Variants in EDARADD observed in about 807,000 individuals in gnomAD.
EDARADD encodes the protein EDAR associated via death domain.
In EDARADD, 20 loss-of-function variants were observed where a neutral mutation model predicts 25.6. That is an observed-to-expected ratio of 0.78 (90% CI 0.55 to 1.14). EDARADD has a LOEUF of 1.14. Ranked by LOEUF, EDARADD falls within the 50% of genes most tolerant of loss-of-function variation. The pLI, the probability that EDARADD is intolerant of heterozygous loss-of-function variation, is 0.00. For synonymous variants in EDARADD, 86 were observed against 94.4 expected (o/e 0.91, Z 0.52); for missense variants, 225 against 270.1 (o/e 0.83, Z 1.17).
intron 1 of EDARADD, 58 bp from the exon 2 acceptor site, chr1:236,409,158 T>A (rs1290790732): frequency 1.3e-5 from 17 of 1,305,860 alleles, no homozygotes; most frequent in Non-Finnish European, 1.8e-5. Flanking sequence ...AAGGACTCAT[T>A]TGTGGTTTTA....
intron 3 of EDARADD, 85 bp downstream of exon 3, chr1:236,414,384 T>G: frequency 3.5e-6 from 4 of 1,127,894 alleles, no homozygotes; most frequent in Non-Finnish European, 5.3e-6. Context: ...TTTTCATTAT[T>G]TAAAATTGTA....
rs576279644 is a variant in EDARADD, at chr1:236,484,612, G to A, written c.*1963G>A. On this transcript the variant is annotated 3_prime_UTR_variant, in exon 6 of 6. Transcript: ENST00000334232. This position sits in a 1 kb window ranked among gnomAD's most constrained non-coding sequence, Gnocchi z 4.1. ...ACCCTTGCCCACCGCCGTGGAGTTC[G>A]CACCTCTTCCTTAGAACTTCTACAG... 2.5e-5 allele frequency: 15 copies of A among 603,542 alleles called. No homozygotes were observed. Among genetic ancestry groups the A allele is most frequent in the East Asian group, 9.3e-5 (3 of 32,140 alleles). 37.4% of individuals were successfully genotyped at this position (603,542 alleles called of 1,614,324 possible).
At chr1:236,480,991 T>G (rs1284994592) in intron 5 of EDARADD, among the ~76,000 whole-genome samples, 3 of 152,164 alleles carry the variant, frequency 2.0e-5, no homozygotes, top group Non-Finnish European at 4.4e-5. Flanking sequence ...CCCAGGGTGT[T>G]GGCGCCACTT....
At chr1:236,481,781 A>G (rs1179143827) in intron 5 of EDARADD, among the ~76,000 whole-genome samples, 1 of 145,566 alleles carries the variant, frequency 6.9e-6, no homozygotes, top group Non-Finnish European at 1.5e-5. Context: ...CCTGTATCAA[A>G]AAAAAAAAAA....
chr1:236,464,612 T>C (rs543714914), intron 4 of EDARADD, among the ~76,000 whole-genome samples: 24 of 151,994 alleles, frequency 1.6e-4, no homozygotes, highest in Admixed American at 2.6e-4. Flanking sequence ...TTTGTGTTTT[T>C]AGTAGAGCCG....
At chr1:236,440,628 T>C (rs181920171) in intron 4 of EDARADD, among the ~76,000 whole-genome samples, 4 of 152,232 alleles carry the variant, frequency 2.6e-5, no homozygotes, top group Admixed American at 1.3e-4. Context: ...GTCAAGCGAC[T>C]CTTGCTGCCA....
intron 4 of EDARADD, among the ~76,000 whole-genome samples, chr1:236,467,014 C>A (rs538953274): frequency 2.6e-5 from 4 of 151,556 alleles, no homozygotes; most frequent in Non-Finnish European, 5.9e-5. Flanking sequence ...TGCAGTGAGC[C>A]GAGATTGTGC....
intron 5 of EDARADD, 71 bp downstream of exon 5, chr1:236,468,347 G>A: frequency 6.5e-7 from 1 of 1,535,006 alleles, no homozygotes; most frequent in Admixed American, 1.7e-5. Flanking sequence ...TTTGAGGCCA[G>A]GGTCGGTGAC....
At chr1:236,453,282 T>C (rs961425397) in intron 4 of EDARADD, among the ~76,000 whole-genome samples, 2 of 149,566 alleles carry the variant, frequency 1.3e-5, no homozygotes, top group South Asian at 2.1e-4. Flanking sequence ...TTTTTTCTTT[T>C]TTTTTTTTTT....
intron 1 of EDARADD, 131 bp from the exon 2 acceptor site, chr1:236,409,085 A>AG: frequency 3.9e-6 from 2 of 507,374 alleles, no homozygotes; most frequent in East Asian, 3.3e-5. Flanking sequence ...AAAAAAAAAA[A>AG]AAGGAGTAAG....
intron 5 of EDARADD, among the ~76,000 whole-genome samples, chr1:236,479,629 A>G (rs1659610326): frequency 6.6e-6 from 1 of 151,162 alleles, no homozygotes; most frequent in African/African-American, 2.4e-5. Flanking sequence ...CCCAGCTTCT[A>G]CTCCATGCTC....
At chr1:236,445,122 A>G (rs996084599) in intron 4 of EDARADD, among the ~76,000 whole-genome samples, 103 of 150,530 alleles carry the variant, frequency 6.8e-4, no homozygotes, top group African/African-American at 2.4e-3. Flanking sequence ...ACTGTTTCAG[A>G]TTTTCTACAT....
chr1:236,403,230 A>C (rs919620613), intron 1 of EDARADD, among the ~76,000 whole-genome samples: 2 of 152,078 alleles, frequency 1.3e-5, no homozygotes, highest in African/African-American at 4.8e-5. Context: ...TGCTGGGATT[A>C]CGGGCGTGAG....
chr1:236,457,243 C>T (rs996474798), intron 4 of EDARADD, among the ~76,000 whole-genome samples: 36 of 152,134 alleles, frequency 2.4e-4, no homozygotes, highest in African/African-American at 7.2e-4. Context: ...TTACCGGGCA[C>T]GGGGGCTCAC....
intron 4 of EDARADD, among the ~76,000 whole-genome samples, chr1:236,454,349 A>C (rs1479630411): frequency 6.6e-6 from 1 of 152,070 alleles, no homozygotes; most frequent in East Asian, 1.9e-4. Flanking sequence ...TGCCCGGCCT[A>C]GAGTTTGTAT....
At position 236,484,064 on chromosome 1, in the gene EDARADD, C is replaced by T. The variant is rs1331378970; in HGVS notation, c.*1415C>T. The stretch of plus-strand genomic sequence containing the variant: ...CTGAAGATCCCTTTGACCAGGATGA[C>T]TGGGGAGCTTGGCAGAAGTTCACGG... On this transcript the variant is annotated 3_prime_UTR_variant, in exon 6 of 6. Coordinates refer to ENST00000334232, the MANE Select transcript of EDARADD (RefSeq NM_145861.4). This position sits in a 1 kb window ranked among gnomAD's most constrained non-coding sequence, Gnocchi z 4.1. 6.3e-7 allele frequency: 1 copy of T among 1,576,880 alleles called. No individual in the cohort carries two copies. The highest frequency in any genetic ancestry group is 1.3e-5 in the African/African-American group (1 of 74,184).
At chr1:236,368,085 G>A (rs1321673184) in intron 3 of EDARADD, among the ~76,000 whole-genome samples, 1 of 152,120 alleles carries the variant, frequency 6.6e-6, no homozygotes, top group Non-Finnish European at 1.5e-5. Flanking sequence ...ATTGCAGCCT[G>A]GGTGACAGAG....
At chr1:236,473,188 G>T (rs1659402001) in intron 5 of EDARADD, among the ~76,000 whole-genome samples, 1 of 152,206 alleles carries the variant, frequency 6.6e-6, no homozygotes, top group Non-Finnish European at 1.5e-5. Context: ...CACAAAATCA[G>T]TAAGTCATTT....
At chr1:236,418,314 G>A (rs982092041) in intron 3 of EDARADD, among the ~76,000 whole-genome samples, 2 of 151,124 alleles carry the variant, frequency 1.3e-5, no homozygotes, top group African/African-American at 2.4e-5. Flanking sequence ...GCATGATCTC[G>A]ACTCACTGCA....
Sources: allele counts gnomAD v4.1 joint callset (sites outside exome capture counted in the v4.1 genomes callset), GRCh38; gene constraint gnomAD v4.1.1; non-coding constraint Gnocchi (gnomAD v3.1); transcripts MANE v1.5; gene names NCBI Gene and HGNC (gene_info 2026-07-23, HGNC 2026-07-21).